RIN2: variants seen among roughly 807,000 people sequenced by gnomAD.
RIN2 encodes RAB5 interacting protein 2.
RIN2 carries 36 observed loss-of-function variants against 78.0 expected under a neutral mutation model. The ratio of observed to expected loss-of-function variants is 0.46; its 90% confidence interval spans 0.35 to 0.61. The LOEUF (loss-of-function observed/expected upper bound fraction) is 0.61. RIN2 is among the 20% of genes least tolerant of loss of function. The pLI is 0.00. For missense variants in RIN2, 1,087 were observed against 1,159.7 expected (o/e 0.94, Z 0.91); for synonymous variants, 466 against 466.8 (o/e 1.00, Z 0.02).
At chr20:19,940,996 C>G (rs56183095) in intron 4 of RIN2, among the ~76,000 whole-genome samples, 1 of 152,342 alleles carries the variant, frequency 6.6e-6, no homozygotes, top group African/African-American at 2.4e-5. Flanking sequence ...TTCCTCCACT[C>G]TCCTGTAGCT....
chr20:19,777,351 G>A (rs1464541827), intron 1 of RIN2, among the ~76,000 whole-genome samples: 3 of 152,228 alleles, frequency 2.0e-5, no homozygotes, highest in Non-Finnish European at 2.9e-5. Flanking sequence ...CCCACCTATC[G>A]AGAAGCCTGG....
chr20:19,918,439 G>C (rs112014643), intron 3 of RIN2, among the ~76,000 whole-genome samples: 2 of 151,542 alleles, frequency 1.3e-5, no homozygotes, highest in African/African-American at 4.8e-5. Flanking sequence ...GGACATTAAA[G>C]CTGGCTCCAA....
At chr20:19,885,483 T>C (rs2038152433) in intron 2 of RIN2, among the ~76,000 whole-genome samples, 1 of 152,018 alleles carries the variant, frequency 6.6e-6, no homozygotes. Flanking sequence ...CTGGCCAACA[T>C]GGTAAAACCC....
intron 2 of RIN2, among the ~76,000 whole-genome samples, chr20:19,851,998 G>T (rs955975710): frequency 2.0e-5 from 3 of 152,122 alleles, no homozygotes; most frequent in Non-Finnish European, 2.9e-5. Flanking sequence ...TTGGTTCAGG[G>T]CTACTCCATA....
At chr20:19,973,790 AG>A (rs1391897866) in intron 8 of RIN2, among the ~76,000 whole-genome samples, 5 of 151,886 alleles carry the variant, frequency 3.3e-5, no homozygotes, top group African/African-American at 1.2e-4. Flanking sequence ...CTCCGTCTCA[AG>A]GGAAAAAAAA....
chr20:19,807,655 A>G (rs141382607), intron 2 of RIN2, among the ~76,000 whole-genome samples: 295 of 152,310 alleles, frequency 1.9e-3, no homozygotes, highest in African/African-American at 6.8e-3. Context: ...TGGATTCAGC[A>G]CACACCAGTT....
chr20:19,794,140 A>G (rs1026586960), intron 1 of RIN2, among the ~76,000 whole-genome samples: 15 of 152,216 alleles, frequency 9.9e-5, no homozygotes, highest in Non-Finnish European at 1.6e-4. Flanking sequence ...AGAATAATGC[A>G]TCTATAGTCA....
chr20:19,955,592 C>T (rs1343758573), intron 4 of RIN2, among the ~76,000 whole-genome samples: 2 of 152,228 alleles, frequency 1.3e-5, no homozygotes, highest in East Asian at 1.9e-4. Flanking sequence ...CTGCCTCAAC[C>T]TCCCAAAGTG....
chr20:19,910,099 A>G (rs1296694716), intron 3 of RIN2, among the ~76,000 whole-genome samples: 1 of 152,222 alleles, frequency 6.6e-6, no homozygotes, highest in Non-Finnish European at 1.5e-5. Flanking sequence ...TGCTAGGAGA[A>G]ATTAAGGAAG....
intron 11 of RIN2, among the ~76,000 whole-genome samples, chr20:19,994,262 G>A (rs1205726199): frequency 6.6e-6 from 1 of 152,216 alleles, no homozygotes; most frequent in African/African-American, 2.4e-5. Flanking sequence ...CACAGACCAG[G>A]CCTGCACAGC....
intron 2 of RIN2, among the ~76,000 whole-genome samples, chr20:19,854,738 G>A (rs998672612): frequency 1.4e-4 from 21 of 152,320 alleles, no homozygotes; most frequent in Admixed American, 2.6e-4. Context: ...TTTGTATCCT[G>A]AGACTTTGCT....
chr20:19,903,211 C>G (rs2039064875), intron 3 of RIN2, among the ~76,000 whole-genome samples: 1 of 152,104 alleles, frequency 6.6e-6, no homozygotes, highest in African/African-American at 2.4e-5. Flanking sequence ...TAATTTGTTG[C>G]TAGGGGTAGC....
chr20:19,994,076 A>G (rs1252717131), intron 11 of RIN2, among the ~76,000 whole-genome samples: 3 of 152,254 alleles, frequency 2.0e-5, no homozygotes, highest in African/African-American at 7.2e-5. Flanking sequence ...ACTAATGGAC[A>G]GGTGGCTGTC....
intron 4 of RIN2, among the ~76,000 whole-genome samples, chr20:19,941,602 G>A (rs763294618): frequency 4.7e-4 from 71 of 152,146 alleles, no homozygotes; most frequent in African/African-American, 1.5e-3. Context: ...AGGGCAGGCC[G>A]TGTAGCAGCA....
At chr20:19,887,182 ATT>A (rs10522974) in intron 2 of RIN2, among the ~76,000 whole-genome samples, 14,531 of 145,688 alleles carry the variant, frequency 0.1, 846 homozygotes, top group East Asian at 0.23. Context: ...ATGCCCATCT[ATT>A]TTTTTTTTTT....
Position 19,888,441 on chromosome 20 carries a change from C to A in RIN2, c.-36-1125C>A, listed in dbSNP as rs180671520. ...ATCGCCCTCAATGTCCTGTTTGTGTCGCTGGCTCTCTGCCACTCAGCTAAT... is the reference window on the plus strand; with the variant it reads ...ATCGCCCTCAATGTCCTGTTTGTGTAGCTGGCTCTCTGCCACTCAGCTAAT... On this transcript the variant is annotated intron_variant, in intron 2 of 12. Coordinates refer to ENST00000255006, the MANE Select transcript of RIN2 (RefSeq NM_018993.4). Among the ~76,000 whole-genome samples, 57 of 152,320 alleles carry A rather than the reference C, an allele frequency of 3.7e-4. 1 individual carries two copies. Among genetic ancestry groups the A allele is most frequent in the Admixed American group, 2.4e-3 (37 of 15,300 alleles).
chr20:19,759,238 G>T (rs1047216674), intron 1 of RIN2, among the ~76,000 whole-genome samples: 2 of 152,326 alleles, frequency 1.3e-5, no homozygotes, highest in South Asian at 4.1e-4. Context: ...TCTTCTCAGA[G>T]CTCTTAAATC....
chr20:19,848,105 G>T (rs149078520), intron 2 of RIN2, among the ~76,000 whole-genome samples: 6 of 152,340 alleles, frequency 3.9e-5, no homozygotes, highest in African/African-American at 1.4e-4. Context: ...GGACATTGAG[G>T]TGTTGGTGGC....
At chr20:19,848,460 A>G (rs6046366) in intron 2 of RIN2, among the ~76,000 whole-genome samples, 106,264 of 149,754 alleles carry the variant, frequency 0.71, 39,569 homozygotes, top group East Asian at 0.91. Flanking sequence ...CACTTGAACC[A>G]GGGAGTCGGA....
Sources: gnomAD v4.1 joint callset for allele counts (sites outside exome capture counted in the v4.1 genomes callset) on GRCh38, gnomAD v4.1.1 for gene constraint, MANE v1.5 for transcripts, NCBI Gene and HGNC (gene_info 2026-07-23, HGNC 2026-07-21) for gene names.